Variants in MSRB3 observed in about 807,000 individuals in gnomAD.
The protein encoded by MSRB3 is methionine-R-sulfoxide reductase B3.
Under a neutral mutation model 21.0 loss-of-function variants are expected in MSRB3, and 13 were observed. The observed-to-expected ratio is 0.62, with a 90% CI of 0.40 to 0.98. The LOEUF (loss-of-function observed/expected upper bound fraction) is 0.98. Ranked by LOEUF, MSRB3 falls within the 50% of genes least tolerant of loss-of-function variation. The pLI is 0.00. For synonymous variants in MSRB3, 87 were observed against 88.6 expected, an observed-to-expected ratio of 0.98 and a Z score of 0.10; for missense variants, 199 against 230.3, an observed-to-expected ratio of 0.86 and a Z score of 0.88.
At chr12:65,302,259 A>T (rs980246491) in intron 1 of MSRB3, among the ~76,000 whole-genome samples, 1 of 152,136 alleles carries the variant, frequency 6.6e-6, no homozygotes, top group African/African-American at 2.4e-5. Context: ...AACCGTAAAG[A>T]TATAGAGATG....
At chr12:65,312,894 T>TA (rs372420012) in intron 2 of MSRB3, among the ~76,000 whole-genome samples, 3 of 152,082 alleles carry the variant, frequency 2.0e-5, no homozygotes, top group Non-Finnish European at 2.9e-5. Context: ...TATTTGAAAC[T>TA]CCTTTATATG....
intron 4 of MSRB3, among the ~76,000 whole-genome samples, chr12:65,354,340 C>T (rs2136503591): frequency 6.6e-6 from 1 of 152,198 alleles, no homozygotes; most frequent in Middle Eastern, 3.4e-3. Context: ...TGGTTCCATT[C>T]TTCCCGTCAC....
chr12:65,303,160 G>T (rs1480406543), intron 1 of MSRB3, among the ~76,000 whole-genome samples: 1 of 151,992 alleles, frequency 6.6e-6, no homozygotes, highest in Admixed American at 6.6e-5. Context: ...GAAGGGATTC[G>T]ACCTTTAGGT....
At chr12:65,306,199 A>T (rs1170516707) in intron 1 of MSRB3, among the ~76,000 whole-genome samples, 1 of 152,308 alleles carries the variant, frequency 6.6e-6, no homozygotes, top group Admixed American at 6.5e-5. Context: ...TCTGTTTGTT[A>T]AAGTGTTTTA....
At chr12:65,279,951 C>G (rs1319896268) in intron 1 of MSRB3, among the ~76,000 whole-genome samples, 1 of 151,870 alleles carries the variant, frequency 6.6e-6, no homozygotes, top group Non-Finnish European at 1.5e-5. Context: ...TTTTTTCTAC[C>G]AATAGACTAA....
chr12:65,419,060 T>A, intron 5 of MSRB3: 1 of 701,680 alleles, frequency 1.4e-6, no homozygotes, highest in East Asian at 2.7e-5. Flanking sequence ...TTCTCCAAGC[T>A]GGCCTTCAGA....
chr12:65,287,714 T>C (rs1379125823), intron 1 of MSRB3, among the ~76,000 whole-genome samples: 2 of 152,142 alleles, frequency 1.3e-5, no homozygotes, highest in Non-Finnish European at 2.9e-5. Flanking sequence ...GGTGTGAATA[T>C]GCCTTCTAGT....
intron 1 of MSRB3, among the ~76,000 whole-genome samples, chr12:65,301,798 C>T (rs926313651): frequency 6.6e-6 from 1 of 152,122 alleles, no homozygotes; most frequent in Non-Finnish European, 1.5e-5. Context: ...TTTCCAGCTA[C>T]TTATTTGTGT....
chr12:65,451,599 C>T (rs983124224), intron 5 of MSRB3, among the ~76,000 whole-genome samples: 1 of 152,082 alleles, frequency 6.6e-6, no homozygotes, highest in Non-Finnish European at 1.5e-5. Flanking sequence ...CCCCAAAACC[C>T]TGTAAAATGA....
At chr12:65,369,463 T>C (rs1334072907) in intron 5 of MSRB3, among the ~76,000 whole-genome samples, 1 of 152,190 alleles carries the variant, frequency 6.6e-6, no homozygotes, top group Non-Finnish European at 1.5e-5. Flanking sequence ...GTTTATTAGC[T>C]TGTTTTCTCT....
At chr12:65,360,714 A>G (rs1363531018) in intron 4 of MSRB3, among the ~76,000 whole-genome samples, 1 of 152,084 alleles carries the variant, frequency 6.6e-6, no homozygotes, top group Admixed American at 6.6e-5. Context: ...CAGTAACTTA[A>G]TTTCACTAAT....
chr12:65,343,342 C>T (rs573589214), intron 4 of MSRB3, among the ~76,000 whole-genome samples: 111 of 152,096 alleles, frequency 7.3e-4, no homozygotes, highest in African/African-American at 2.4e-3. Context: ...AGGTAGCCAC[C>T]GGAAGCTTAA....
At chr12:65,453,590 CT>C in intron 5 of MSRB3, 137 bp from the exon 6 acceptor site, 1 of 731,052 alleles carries the variant, frequency 1.4e-6, no homozygotes, top group South Asian at 1.5e-5. Context: ...AGCTTTTGAC[CT>C]TTCTTTTTTC....
intron 1 of MSRB3, among the ~76,000 whole-genome samples, chr12:65,295,492 A>G (rs912787952): frequency 4.0e-5 from 6 of 150,264 alleles, no homozygotes; most frequent in African/African-American, 1.5e-4. Context: ...TAATTTAACT[A>G]TCCTTAAGGA....
intron 5 of MSRB3, among the ~76,000 whole-genome samples, chr12:65,405,331 C>G (rs1448890306): frequency 6.6e-6 from 1 of 151,990 alleles, no homozygotes; most frequent in African/African-American, 2.4e-5. Context: ...CCATTCCTGG[C>G]TTAAGTTTAC....
intron 4 of MSRB3, among the ~76,000 whole-genome samples, chr12:65,350,407 CG>C (rs1876879538): frequency 6.6e-6 from 1 of 151,394 alleles, no homozygotes; most frequent in Non-Finnish European, 1.5e-5. Flanking sequence ...CATCAACTAA[CG>C]AGCAAAATCA....
intron 5 of MSRB3, chr12:65,418,611 C>T (rs772960279): frequency 8.7e-6 from 5 of 574,760 alleles, no homozygotes; most frequent in East Asian, 8.5e-5. Flanking sequence ...CGTAGTTTTA[C>T]AGTTTCAGAT....
At chr12:65,418,548 C>T (rs962569986) in intron 5 of MSRB3, among the ~76,000 whole-genome samples, 1 of 151,706 alleles carries the variant, frequency 6.6e-6, no homozygotes, top group African/African-American at 2.4e-5. Flanking sequence ...GAGTTATATC[C>T]AAAAAAATTA....
At chr12:65,403,819 C>G (rs2136609071) in intron 5 of MSRB3, among the ~76,000 whole-genome samples, 1 of 152,266 alleles carries the variant, frequency 6.6e-6, no homozygotes, top group Non-Finnish European at 1.5e-5. Context: ...CAGCGTTCCT[C>G]ATGGCGCAGT....
Sources: allele counts gnomAD v4.1 joint callset (sites outside exome capture counted in the v4.1 genomes callset), GRCh38; gene constraint gnomAD v4.1.1; transcripts MANE v1.5; gene names NCBI Gene and HGNC (gene_info 2026-07-23, HGNC 2026-07-21).